The following IL1RAPL2 variants were observed in gnomAD, a reference collection of about 807,000 sequenced individuals.
IL1RAPL2 encodes X-linked interleukin-1 receptor accessory protein-like 2.
Under a neutral mutation model 44.1 loss-of-function variants are expected in IL1RAPL2, and 3 were observed. The ratio of observed to expected loss-of-function variants is 0.07; its 90% CI spans 0.03 to 0.18. The LOEUF is 0.18. Among genes scored for constraint, IL1RAPL2 ranks in the 10% least tolerant of loss-of-function variants. The pLI, the probability that IL1RAPL2 is intolerant of heterozygous loss-of-function variation, is 1.00. For missense variants in IL1RAPL2, 391 were observed against 496.4 expected, an observed-to-expected ratio of 0.79 and a Z score of 2.02; for synonymous variants, 181 against 178.8, an observed-to-expected ratio of 1.01 and a Z score of -0.10.
chrX:105,244,212 A>G (rs1410316896), intron 4 of IL1RAPL2, among the ~76,000 whole-genome samples: 1 of 111,274 alleles, frequency 9.0e-6, no homozygotes, highest in African/African-American at 3.3e-5. Flanking sequence ...TTCAGAAATT[A>G]AGGATCCCAT....
intron 2 of IL1RAPL2, among the ~76,000 whole-genome samples, chrX:105,083,725 TAAGTA>T (rs908328921): frequency 3.6e-5 from 4 of 111,999 alleles, no homozygotes; most frequent in African/African-American, 1.3e-4. Context: ...ATAAGTTTCA[TAAGTA>T]AAGGAGAAAT....
intron 5 of IL1RAPL2, among the ~76,000 whole-genome samples, chrX:105,465,353 A>T (rs750525983): frequency 8.9e-6 from 1 of 112,190 alleles, no homozygotes; most frequent in Non-Finnish European, 1.9e-5. Flanking sequence ...AAGTGAACTT[A>T]GTATCAAGAA....
chrX:104,705,005 G>A (rs1344010332), intron 2 of IL1RAPL2, among the ~76,000 whole-genome samples: 1 of 111,710 alleles, frequency 9.0e-6, no homozygotes, highest in Non-Finnish European at 1.9e-5. Flanking sequence ...TGGGAAGGTG[G>A]GGAGGTCCCA....
chrX:104,639,875 A>G (rs1244543276), intron 1 of IL1RAPL2, among the ~76,000 whole-genome samples: 1 of 111,778 alleles, frequency 8.9e-6, no homozygotes, highest in African/African-American at 3.2e-5. Context: ...GAATTTTCTT[A>G]TAAATGACTA....
chrX:105,391,075 G>T (rs765965235), intron 5 of IL1RAPL2, among the ~76,000 whole-genome samples: 1 of 111,456 alleles, frequency 9.0e-6, no homozygotes, highest in Non-Finnish European at 1.9e-5. Flanking sequence ...CAAGGTAGTT[G>T]TTTTTATCCA....
At chrX:104,610,728 G>C (rs918521448) in intron 1 of IL1RAPL2, among the ~76,000 whole-genome samples, 90 of 111,549 alleles carry the variant, frequency 8.1e-4, no homozygotes, top group South Asian at 1.9e-3. Flanking sequence ...GATTCAATGC[G>C]ATCCCCATCA....
chrX:104,822,184 C>T (rs1602744160), intron 2 of IL1RAPL2, among the ~76,000 whole-genome samples: 1 of 111,426 alleles, frequency 9.0e-6, no homozygotes, highest in African/African-American at 3.3e-5. Flanking sequence ...AAAATTTTCT[C>T]CCATTCTGTA....
At chrX:104,658,851 A>G (rs1334507774) in intron 1 of IL1RAPL2, 44 bp from the exon 2 acceptor site, 2 of 888,680 alleles carry the variant, frequency 2.3e-6, no homozygotes, top group South Asian at 2.1e-5. Context: ...GTTGAGGCCA[A>G]GATCTGTGGT....
chrX:104,577,614 G>T (rs1928265522), intron 1 of IL1RAPL2, among the ~76,000 whole-genome samples: 1 of 111,566 alleles, frequency 9.0e-6, no homozygotes, highest in African/African-American at 3.3e-5. Flanking sequence ...TACAAGGGTG[G>T]TCGGGGACTG....
chrX:105,513,770 T>TTA (rs1372151547), intron 6 of IL1RAPL2, among the ~76,000 whole-genome samples: 1 of 111,636 alleles, frequency 9.0e-6, no homozygotes, highest in Non-Finnish European at 1.9e-5. Flanking sequence ...GCTTTTTAGT[T>TTA]TAATTAGATC....
At chrX:105,627,251 A>T (rs1475735450) in intron 6 of IL1RAPL2, among the ~76,000 whole-genome samples, 1 of 111,464 alleles carries the variant, frequency 9.0e-6, no homozygotes, top group Non-Finnish European at 1.9e-5. Flanking sequence ...TCTTCTAATG[A>T]ATATCCTTCT....
At chrX:104,747,012 G>T (rs1932186257) in intron 2 of IL1RAPL2, among the ~76,000 whole-genome samples, 1 of 111,376 alleles carries the variant, frequency 9.0e-6, no homozygotes, top group Non-Finnish European at 1.9e-5. Flanking sequence ...AAATGATCTG[G>T]CTTCAATTTA....
intron 5 of IL1RAPL2, among the ~76,000 whole-genome samples, chrX:105,314,932 A>T (rs1416964486): frequency 8.9e-6 from 1 of 112,324 alleles, no homozygotes; most frequent in African/African-American, 3.2e-5. Context: ...CATTTTTTAA[A>T]TTGTCAAATG....
chrX:104,743,727 A>G (rs1466900841), intron 2 of IL1RAPL2, among the ~76,000 whole-genome samples: 1 of 111,282 alleles, frequency 9.0e-6, no homozygotes, highest in Admixed American at 9.6e-5. Context: ...CACAGTATGC[A>G]TAGTCTTTCA....
At chrX:104,651,182 TCTGA>T (rs1602662465) in intron 1 of IL1RAPL2, among the ~76,000 whole-genome samples, 1 of 112,191 alleles carries the variant, frequency 8.9e-6, no homozygotes, top group South Asian at 3.6e-4. Flanking sequence ...TTTTTCTAAT[TCTGA>T]CTGATTTTAA....
chrX:105,466,240 CT>C (rs200856453), intron 5 of IL1RAPL2, among the ~76,000 whole-genome samples: 1,119 of 101,467 alleles, frequency 0.011, 12 homozygotes, highest in African/African-American at 0.031. Flanking sequence ...TAATTTCAAC[CT>C]TTTTTTTTTT....
intron 5 of IL1RAPL2, among the ~76,000 whole-genome samples, chrX:105,435,190 G>A (rs1354061964): frequency 8.9e-6 from 1 of 111,792 alleles, no homozygotes; most frequent in Non-Finnish European, 1.9e-5. Context: ...TCTTGGCTAT[G>A]TGGACACTTT....
chrX:105,499,489 A>G (rs764869436), intron 6 of IL1RAPL2, among the ~76,000 whole-genome samples: 5 of 112,029 alleles, frequency 4.5e-5, no homozygotes, highest in South Asian at 3.7e-4. Flanking sequence ...CAAGCCATAT[A>G]TTTAACAAAA....
intron 6 of IL1RAPL2, among the ~76,000 whole-genome samples, chrX:105,498,349 G>A (rs1043746060): frequency 1.8e-5 from 2 of 111,505 alleles, no homozygotes; most frequent in East Asian, 5.6e-4. Context: ...GGAGGTGAAC[G>A]ATCTGTATAA....
Sources: allele counts gnomAD v4.1 joint callset (sites outside exome capture counted in the v4.1 genomes callset), GRCh38; gene constraint gnomAD v4.1.1; transcripts MANE v1.5; gene names NCBI Gene and HGNC (gene_info 2026-07-23, HGNC 2026-07-21).